IGSF10: variants seen among roughly 807,000 people sequenced by gnomAD.
IGSF10 encodes immunoglobulin superfamily member 10, also known as calvaria mechanical force protein 608.
Under a neutral mutation model 128.2 loss-of-function variants are expected in IGSF10, and 126 were observed. The ratio of observed to expected loss-of-function variants is 0.98; its 90% confidence interval spans 0.85 to 1.14. The LOEUF is 1.14. Ranked by LOEUF, IGSF10 falls within the 50% of genes most tolerant of loss-of-function variation. The pLI is 0.00. For synonymous variants in IGSF10, 1,185 were observed against 1,146.2 expected, an observed-to-expected ratio of 1.03 and a Z score of -0.68; for missense variants, 3,295 against 3,149.8, an observed-to-expected ratio of 1.05 and a Z score of -1.10.
chr3:151,542,963 CT>C, the IGSF10 span, among the ~76,000 whole-genome samples: 1 of 152,118 alleles, frequency 6.6e-6, no homozygotes, highest in Non-Finnish European at 1.5e-5. Flanking sequence ...TAAAAATGTG[CT>C]TTATCTTCAC....
chr3:151,594,527 G>A, the IGSF10 span, among the ~76,000 whole-genome samples: 2 of 151,144 alleles, frequency 1.3e-5, no homozygotes, highest in Non-Finnish European at 2.9e-5. Flanking sequence ...TAGAGACGGG[G>A]TTTCACCGTG....
Position 151,446,237 on chromosome 3 carries a change from G to A in IGSF10, c.3744C>T (p.Ser1248=), listed in dbSNP as rs1230487511. ...TSPALPRDKV[S]PFHFTTLSTS... ...TTGAAAGTGTGGTGAAATGGAAAGG[G>A]GAGACTTTGTCTCTGGGTAAAGCAG... Residue 1248 remains serine, a synonymous_variant, in exon 6 of 8, where the codon TCC becomes TCT. Coordinates refer to ENST00000282466, the MANE Select transcript of IGSF10 (RefSeq NM_178822.5). 6.2e-7 allele frequency: 1 copy of A among 1,613,748 alleles called. No individual in the cohort carries two copies.
chr3:151,598,575 T>G, the IGSF10 span, among the ~76,000 whole-genome samples: 1 of 152,248 alleles, frequency 6.6e-6, no homozygotes, highest in Non-Finnish European at 1.5e-5. Flanking sequence ...TCATCCCATG[T>G]ACTTTAAATA....
In IGSF10 at chr3:151,457,128, T is replaced by A; in HGVS notation, c.222A>T (p.Glu74Asp). Residue 74 changes from glutamate to aspartate, a missense_variant, in exon 4 of 8, where the codon GAA (glutamate) becomes GAT (aspartate). Physicochemically the swap from Glu to Asp is conservative, Grantham distance 45. Coordinates refer to ENST00000282466, the MANE Select transcript of IGSF10 (RefSeq NM_178822.5). ...GTTTGGTCAGGCCAGAAAAATCTGTTTCCATCAATCTAACCAAGCTGTTGT... is the reference window on the plus strand; with the variant it reads ...GTTTGGTCAGGCCAGAAAAATCTGTATCCATCAATCTAACCAAGCTGTTGT... ...LGYNSLVRLM[E>D]TDFSGLTKLE... 1 of 1,614,204 alleles carries A rather than the reference T, an allele frequency of 6.2e-7. No individual in the cohort carries two copies. The highest frequency in any genetic ancestry group is 8.5e-7 in the Non-Finnish European group (1 of 1,180,016).
the IGSF10 span, among the ~76,000 whole-genome samples, chr3:151,581,402 G>A: frequency 6.6e-6 from 1 of 152,078 alleles, no homozygotes; most frequent in Non-Finnish European, 1.5e-5. Context: ...TTTAAACTCT[G>A]TATTTCTTTT....
the IGSF10 span, among the ~76,000 whole-genome samples, chr3:151,494,065 C>T: frequency 0.012 from 1,802 of 151,872 alleles, 93 homozygotes; most frequent in East Asian, 0.17. Context: ...AAATACATTC[C>T]GGAAGAGAAA....
chr3:151,588,764 A>T, the IGSF10 span, among the ~76,000 whole-genome samples: 2 of 152,222 alleles, frequency 1.3e-5, no homozygotes, highest in African/African-American at 4.8e-5. Context: ...GGACACAGAC[A>T]GACTGACCAC....
the IGSF10 span, among the ~76,000 whole-genome samples, chr3:151,473,592 T>C: frequency 6.6e-6 from 1 of 152,180 alleles, no homozygotes; most frequent in African/African-American, 2.4e-5. Flanking sequence ...TTACTAAATG[T>C]GGTTATACAC....
chr3:151,557,777 G>T, the IGSF10 span, among the ~76,000 whole-genome samples: 4 of 151,160 alleles, frequency 2.6e-5, no homozygotes, highest in Admixed American at 2.7e-4. Context: ...CACTCTCCTA[G>T]TCTGGGATCG....
At chr3:151,485,971 T>TA in the IGSF10 span, among the ~76,000 whole-genome samples, 2 of 152,096 alleles carry the variant, frequency 1.3e-5, no homozygotes, top group East Asian at 1.9e-4. Context: ...TAAATGTAAA[T>TA]GGCTAAGTGT....
At chr3:151,475,308 G>C in the IGSF10 span, among the ~76,000 whole-genome samples, 1 of 152,216 alleles carries the variant, frequency 6.6e-6, no homozygotes, top group South Asian at 2.1e-4. Context: ...TCGATTGTGA[G>C]AGAGACTGGT....
downstream of IGSF10, chr3:151,436,183 A>G (rs763853388): frequency 6.5e-6 from 1 of 153,026 alleles, no homozygotes; most frequent in Non-Finnish European, 1.5e-5. Context: ...ATGGTGAATC[A>G]TAAGACAGTT....
At chr3:151,582,726 AT>A in the IGSF10 span, among the ~76,000 whole-genome samples, 1 of 152,282 alleles carries the variant, frequency 6.6e-6, no homozygotes, top group East Asian at 1.9e-4. Flanking sequence ...ATCAAACTGC[AT>A]CTATTGTCAT....
At chr3:151,489,996 C>A in the IGSF10 span, among the ~76,000 whole-genome samples, 1 of 151,810 alleles carries the variant, frequency 6.6e-6, no homozygotes, top group Admixed American at 6.6e-5. Context: ...AATGAAGCAG[C>A]TACAAAACAA....
chr3:151,539,704 A>G, the IGSF10 span, among the ~76,000 whole-genome samples: 2 of 152,164 alleles, frequency 1.3e-5, no homozygotes, highest in Non-Finnish European at 2.9e-5. Context: ...TAGATAGTGA[A>G]GAGTGATCCT....
chr3:151,574,106 C>T, the IGSF10 span, among the ~76,000 whole-genome samples: 1 of 152,194 alleles, frequency 6.6e-6, no homozygotes, highest in Non-Finnish European at 1.5e-5. Context: ...TGATGGGCTT[C>T]CTTTTGTGGG....
chr3:151,473,114 A>G, the IGSF10 span, among the ~76,000 whole-genome samples: 1 of 152,176 alleles, frequency 6.6e-6, no homozygotes, highest in Non-Finnish European at 1.5e-5. Flanking sequence ...TGAAAGCCTT[A>G]TGTGTTCTTC....
the IGSF10 span, among the ~76,000 whole-genome samples, chr3:151,527,571 C>T: frequency 1.3e-5 from 2 of 151,958 alleles, no homozygotes; most frequent in African/African-American, 4.8e-5. Context: ...ATATTTAAGT[C>T]CCAGTATTAA....
chr3:151,444,330 A>C (rs1280696721), intron 6 of IGSF10, among the ~76,000 whole-genome samples: 1 of 152,108 alleles, frequency 6.6e-6, no homozygotes, highest in East Asian at 1.9e-4. Context: ...TTTTATTGAG[A>C]GAGTTTCACT....
Sources: allele counts gnomAD v4.1 joint callset (sites outside exome capture counted in the v4.1 genomes callset), GRCh38; gene constraint gnomAD v4.1.1; transcripts MANE v1.5; gene names NCBI Gene and HGNC (gene_info 2026-07-23, HGNC 2026-07-21).